TMEM150C: variants seen among roughly 807,000 people sequenced by gnomAD.
TMEM150C encodes tentonin 3.
In TMEM150C, 10 loss-of-function variants were observed where a neutral mutation model predicts 29.9. The observed-to-expected ratio is 0.33, with a 90% CI of 0.21 to 0.57. The LOEUF (loss-of-function observed/expected upper bound fraction) is 0.57, where lower values mean the gene tolerates loss of function less well. Among genes scored for constraint, TMEM150C ranks in the 20% least tolerant of loss-of-function variants. The pLI, the probability that TMEM150C is intolerant of heterozygous loss-of-function variation, is 0.88. For missense variants in TMEM150C, 251 were observed against 303.6 expected (o/e 0.83, Z 1.29); for synonymous variants, 101 against 112.5 (o/e 0.90, Z 0.64).
At chr4:82,522,748 G>A (rs1372284351) in intron 1 of TMEM150C, among the ~76,000 whole-genome samples, 1 of 152,204 alleles carries the variant, frequency 6.6e-6, no homozygotes, top group Non-Finnish European at 1.5e-5. Context: ...ATGAGCAAGT[G>A]GGAATCTATA....
intron 1 of TMEM150C, among the ~76,000 whole-genome samples, chr4:82,531,291 T>C (rs542319019): frequency 2.0e-5 from 3 of 152,298 alleles, no homozygotes; most frequent in African/African-American, 7.2e-5. Flanking sequence ...ATATAACCTG[T>C]AGTTCAGAAG....
At chr4:82,504,490 C>G (rs1305040529) in intron 2 of TMEM150C, 88 bp downstream of exon 2, 9 of 1,095,722 alleles carry the variant, frequency 8.2e-6, no homozygotes, top group Non-Finnish European at 1.2e-5. Context: ...CATGAGCCAC[C>G]GTGCCCGGCT....
chr4:82,546,782 G>A (rs183928106), intron 1 of TMEM150C, among the ~76,000 whole-genome samples: 9 of 152,112 alleles, frequency 5.9e-5, no homozygotes, highest in East Asian at 1.9e-4. Context: ...AGCCAAGATC[G>A]CGCCACTGCA....
chr4:82,492,864 GTATATATATATATATATATATA>G (rs58169287), intron 6 of TMEM150C, among the ~76,000 whole-genome samples: 3 of 90,288 alleles, frequency 3.3e-5, no homozygotes, highest in Non-Finnish European at 4.4e-5. Flanking sequence ...ATATGTTTGT[GTATATATATATATATATATATA>G]TATATATATA....
chr4:82,501,326 G>C (rs1181817375), intron 5 of TMEM150C, among the ~76,000 whole-genome samples: 3 of 152,086 alleles, frequency 2.0e-5, no homozygotes, highest in Non-Finnish European at 4.4e-5. Context: ...CATCCTTCTT[G>C]ATACTTGTGA....
chr4:82,553,842 A>G (rs1416726671), intron 1 of TMEM150C, among the ~76,000 whole-genome samples: 1 of 152,244 alleles, frequency 6.6e-6, no homozygotes, highest in East Asian at 1.9e-4. Flanking sequence ...CAGTTAATGG[A>G]GAATTTTCAT....
At chr4:82,519,398 C>G (rs921169225) in intron 1 of TMEM150C, among the ~76,000 whole-genome samples, 118 of 151,694 alleles carry the variant, frequency 7.8e-4, no homozygotes, top group African/African-American at 2.6e-3. Flanking sequence ...ATACGATGTT[C>G]TTTCTCTTTC....
rs116053684 is a variant in TMEM150C, at chr4:82,542,865, C to G, written c.-11+19041G>C. Among the ~76,000 whole-genome samples the G allele has an allele frequency of 1.4e-3, 218 of 152,120 alleles. 1 individual carries two copies. Among genetic ancestry groups the G allele is most frequent in the African/African-American group, 5.0e-3 (209 of 41,498 alleles). ...GAAAGGAATTACCACTAGTTAAGAC[C>G]GGGAAAGACACAGTACTGAAAGTAC... On this transcript the variant is annotated intron_variant, in intron 1 of 7. Coordinates refer to ENST00000449862, the MANE Select transcript of TMEM150C (RefSeq NM_001080506.3).
chr4:82,527,578 T>C (rs1724696085), intron 1 of TMEM150C, among the ~76,000 whole-genome samples: 1 of 152,072 alleles, frequency 6.6e-6, no homozygotes, highest in African/African-American at 2.4e-5. Flanking sequence ...TGGGTCCGGG[T>C]TGATGCTCAT....
intron 1 of TMEM150C, among the ~76,000 whole-genome samples, chr4:82,516,803 A>G (rs1724309235): frequency 6.6e-6 from 1 of 152,202 alleles, no homozygotes; most frequent in African/African-American, 2.4e-5. Flanking sequence ...TCCTTCAAAT[A>G]GTCTCTTAGA....
At chr4:82,558,431 C>G (rs1315550455) in intron 1 of TMEM150C, among the ~76,000 whole-genome samples, 1 of 152,114 alleles carries the variant, frequency 6.6e-6, no homozygotes, top group Admixed American at 6.5e-5. Flanking sequence ...TAATTTCTCA[C>G]TTAGTAAAAG....
intron 7 of TMEM150C, among the ~76,000 whole-genome samples, chr4:82,486,174 CTG>C (rs543019789): frequency 2.0e-5 from 3 of 151,796 alleles, no homozygotes; most frequent in Non-Finnish European, 4.4e-5. Flanking sequence ...TAGCTGTACT[CTG>C]TAGCTGCTTA....
intron 1 of TMEM150C, among the ~76,000 whole-genome samples, chr4:82,546,601 G>A (rs1324060477): frequency 6.6e-6 from 1 of 152,122 alleles, no homozygotes; most frequent in Admixed American, 6.6e-5. Flanking sequence ...GGCCGAGGCG[G>A]GCAGATTACG....
At chr4:82,490,017 T>C in intron 7 of TMEM150C, 44 bp downstream of exon 7, 1 of 1,588,680 alleles carries the variant, frequency 6.3e-7, no homozygotes, top group South Asian at 1.1e-5. Flanking sequence ...ACTTACTTGT[T>C]TTCATCTTAC....
intron 7 of TMEM150C, 47 bp downstream of exon 7, chr4:82,490,014 T>C: frequency 2.5e-6 from 4 of 1,577,206 alleles, no homozygotes; most frequent in Non-Finnish European, 3.5e-6. Context: ...ACAACTTACT[T>C]GTTTTCATCT....
intron 1 of TMEM150C, among the ~76,000 whole-genome samples, chr4:82,526,140 A>C (rs1321371496): frequency 1.3e-5 from 2 of 152,192 alleles, no homozygotes; most frequent in African/African-American, 4.8e-5. Flanking sequence ...CCTAGGCTCA[A>C]GCAATCCTCC....
chr4:82,558,272 C>T (rs994389399), intron 1 of TMEM150C, among the ~76,000 whole-genome samples: 1 of 152,158 alleles, frequency 6.6e-6, no homozygotes, highest in Non-Finnish European at 1.5e-5. Context: ...CTCAATTACA[C>T]TAGCCCACAT....
intron 7 of TMEM150C, among the ~76,000 whole-genome samples, chr4:82,487,200 A>G (rs987110039): frequency 2.6e-5 from 4 of 152,124 alleles, no homozygotes; most frequent in African/African-American, 9.7e-5. Context: ...TGTAATCCCA[A>G]CACTTTGGGA....
chr4:82,501,299 C>A (rs1723729558), intron 5 of TMEM150C, among the ~76,000 whole-genome samples: 1 of 152,008 alleles, frequency 6.6e-6, no homozygotes, highest in South Asian at 2.1e-4. Context: ...CACAGGTGCA[C>A]CAGATACTGC....
Sources: allele counts gnomAD v4.1 joint callset (sites outside exome capture counted in the v4.1 genomes callset), GRCh38; gene constraint gnomAD v4.1.1; transcripts MANE v1.5; gene names NCBI Gene and HGNC (gene_info 2026-07-23, HGNC 2026-07-21).